TNS3: variants seen among roughly 807,000 people sequenced by gnomAD.
The protein encoded by TNS3 is tensin 3.
TNS3 carries 45 observed loss-of-function variants against 140.9 expected under a neutral mutation model. The ratio of observed to expected loss-of-function variants is 0.32; its 90% CI spans 0.25 to 0.41. TNS3 has a LOEUF of 0.41. Among genes scored for constraint, TNS3 ranks in the 10% least tolerant of loss-of-function variants. The pLI is 1.00. For missense variants in TNS3, 1,716 were observed against 1,906.7 expected (o/e 0.90, Z 1.86); for synonymous variants, 815 against 788.4 (o/e 1.03, Z -0.56).
At chr7:47,428,168 C>G (rs905151406) in intron 9 of TNS3, 144 bp downstream of exon 9, 2 of 483,642 alleles carry the variant, frequency 4.1e-6, no homozygotes, top group Non-Finnish European at 6.8e-6. Flanking sequence ...TTTCTAGGCA[C>G]TGACCAACCC....
intron 4 of TNS3, among the ~76,000 whole-genome samples, chr7:47,444,324 T>C (rs947881229): frequency 1.3e-5 from 2 of 152,238 alleles, no homozygotes; most frequent in African/African-American, 2.4e-5. Flanking sequence ...TGGAGTACAC[T>C]GGCCCAGTTC....
At chr7:47,458,674 T>A (rs2151675723) in intron 4 of TNS3, among the ~76,000 whole-genome samples, 1 of 152,200 alleles carries the variant, frequency 6.6e-6, no homozygotes, top group South Asian at 2.1e-4. Context: ...AGTCCCCCCA[T>A]CCCTTCCCGC....
chr7:47,304,333 T>C (rs533510064), intron 21 of TNS3, among the ~76,000 whole-genome samples: 1 of 152,346 alleles, frequency 6.6e-6, no homozygotes, highest in African/African-American at 2.4e-5. Flanking sequence ...CTATGCGTAA[T>C]GTCCTTAAAT....
chr7:47,389,532 G>T (rs1258265989), intron 16 of TNS3, among the ~76,000 whole-genome samples: 2 of 152,166 alleles, frequency 1.3e-5, no homozygotes, highest in South Asian at 2.1e-4. Context: ...TGTCGGATTC[G>T]AAAAGTAACG....
At chr7:47,311,399 AGTGTGTGTGTGT>A (rs10617598) in intron 20 of TNS3, among the ~76,000 whole-genome samples, 5,878 of 147,338 alleles carry the variant, frequency 0.04, 135 homozygotes, top group Non-Finnish European at 0.052. Flanking sequence ...GAACTTAAAG[AGTGTGTGTGTGT>A]GTGTGTGTGT....
intron 16 of TNS3, among the ~76,000 whole-genome samples, chr7:47,391,575 G>A (rs567595725): frequency 4.6e-5 from 7 of 152,290 alleles, no homozygotes; most frequent in East Asian, 3.9e-4. Context: ...CACTGACACC[G>A]ACGCTCCAGA....
rs80327520 is a variant in TNS3 at position 47,298,433 on chromosome 7, G to A, written c.3545-1220C>T. Among the ~76,000 whole-genome samples the A allele has an allele frequency of 1.1e-3, 175 of 152,314 alleles. 1 individual carries two copies. The highest frequency in any genetic ancestry group is 4.0e-3 in the African/African-American group (165 of 41,558). ...TTTCCAAGAAGAGGGAGTGGGTTAG[G>A]GTAATAGTAACCTCAACTCGATACT... On this transcript the variant is annotated intron_variant, in intron 23 of 30. Transcript: ENST00000311160.
intron 3 of TNS3, among the ~76,000 whole-genome samples, chr7:47,498,955 C>T (rs1051713304): frequency 6.6e-6 from 1 of 152,374 alleles, no homozygotes. Flanking sequence ...GCCCAGCTGA[C>T]GCACTTCCTC....
intron 4 of TNS3, among the ~76,000 whole-genome samples, chr7:47,466,717 C>T (rs1175924302): frequency 1.3e-5 from 2 of 152,168 alleles, no homozygotes; most frequent in African/African-American, 4.8e-5. Flanking sequence ...GGTCTAACTC[C>T]CCTTTTGTGA....
intron 1 of TNS3, among the ~76,000 whole-genome samples, chr7:47,576,725 C>A (rs1421899850): frequency 2.6e-5 from 4 of 152,200 alleles, no homozygotes; most frequent in African/African-American, 9.7e-5. Context: ...CCCTGCACAG[C>A]CAGATGTGGG....
At chr7:47,572,026 A>G (rs1443880725) in intron 1 of TNS3, among the ~76,000 whole-genome samples, 1 of 152,250 alleles carries the variant, frequency 6.6e-6, no homozygotes, top group Admixed American at 6.5e-5. Context: ...TCCGCAGGGC[A>G]TGACCACGCA....
At chr7:47,430,129 TTC>T (rs374089166) in intron 8 of TNS3, among the ~76,000 whole-genome samples, 4 of 130,512 alleles carry the variant, frequency 3.1e-5, no homozygotes, top group African/African-American at 5.7e-5. Context: ...TTCTTTTCTT[TTC>T]TTTTTTTTTT....
At chr7:47,485,253 G>T (rs1295502361) in intron 3 of TNS3, among the ~76,000 whole-genome samples, 2 of 152,286 alleles carry the variant, frequency 1.3e-5, no homozygotes, top group Non-Finnish European at 2.9e-5. Flanking sequence ...CACTCCTGGG[G>T]AGGCCCACGG....
intron 1 of TNS3, among the ~76,000 whole-genome samples, chr7:47,554,131 A>G (rs1018069802): frequency 7.4e-5 from 11 of 149,294 alleles, no homozygotes; most frequent in African/African-American, 2.7e-4. Context: ...TAAGAAATAC[A>G]TTTTGGGCCA....
rs182289535 is a variant in TNS3 at position 47,333,395 on chromosome 7, G to C, written c.2650+11360C>G. ...AATTGGAATGCAAAGTACATCACAG[G>C]CATGTATCCAGGCATGTCTATTCCT... On this transcript the variant is annotated intron_variant, in intron 20 of 30. Coordinates refer to ENST00000311160, the MANE Select transcript of TNS3 (RefSeq NM_022748.12). Among the ~76,000 whole-genome samples the C allele has an allele frequency of 4.6e-5, 7 of 152,318 alleles. No individual in the cohort carries two copies. The East Asian group carries it at 1.3e-3, about 29-fold the overall frequency.
In TNS3 at chr7:47,283,926, A is replaced by T. The variant is rs1223841442; in HGVS notation, c.3929-61T>A. On this transcript the variant is annotated intron_variant, in intron 27 of 30. Coordinates refer to ENST00000311160, the MANE Select transcript of TNS3 (RefSeq NM_022748.12). ...ACTATTGGGACAGGTGTGTCCTGTT[A>T]ACACACAGGCAGTTGCTGATGTGCA... The T allele has an allele frequency of 2.8e-6, 4 of 1,436,638 alleles. No homozygotes were observed. The African/African-American group carries it at 5.8e-5, about 21-fold the overall frequency. The allele number at this position is 1,436,638 out of a possible 1,614,324, so 89.0% of individuals were successfully genotyped here. A position where few individuals can be genotyped will look rare whatever the true frequency, so the allele number is the denominator to read the frequency against.
At chr7:47,546,080 C>G (rs924639486) in intron 1 of TNS3, among the ~76,000 whole-genome samples, 1 of 152,214 alleles carries the variant, frequency 6.6e-6, no homozygotes, top group Admixed American at 6.5e-5. Context: ...GAGCCTCCCC[C>G]AGGAGGCCTG....
chr7:47,537,232 T>C (rs1799633992), intron 1 of TNS3, among the ~76,000 whole-genome samples: 1 of 151,826 alleles, frequency 6.6e-6, no homozygotes. Flanking sequence ...TCCCAGGAAA[T>C]GGCCAACACG....
At chr7:47,387,463 T>C (rs1225703292) in intron 16 of TNS3, among the ~76,000 whole-genome samples, 1 of 152,182 alleles carries the variant, frequency 6.6e-6, no homozygotes, top group Non-Finnish European at 1.5e-5. Context: ...TGGATGGTGG[T>C]CTCCTAGCCC....
Sources: gnomAD v4.1 joint callset for allele counts (sites outside exome capture counted in the v4.1 genomes callset) on GRCh38, gnomAD v4.1.1 for gene constraint, MANE v1.5 for transcripts, NCBI Gene and HGNC (gene_info 2026-07-23, HGNC 2026-07-21) for gene names.